Variants in FAM193A observed in about 807,000 individuals in gnomAD.
The protein encoded by FAM193A is protein FAM193A.
FAM193A carries 22 observed loss-of-function variants against 126.5 expected under a neutral mutation model. The observed-to-expected ratio is 0.17, with a 90% CI of 0.12 to 0.25. The LOEUF is 0.25. Among genes scored for constraint, FAM193A ranks in the 10% least tolerant of loss-of-function variants. The pLI is 1.00. For missense variants in FAM193A, 1,675 were observed against 1,672.8 expected, an observed-to-expected ratio of 1.00 and a Z score of -0.02; for synonymous variants, 761 against 646.8, an observed-to-expected ratio of 1.18 and a Z score of -2.68.
chr4:2,569,258 C>T (rs1239109217), intron 1 of FAM193A, among the ~76,000 whole-genome samples: 4 of 152,108 alleles, frequency 2.6e-5, no homozygotes, highest in East Asian at 1.9e-4. Context: ...TGAGCCACTG[C>T]GCCCGGTCCA....
intron 2 of FAM193A, among the ~76,000 whole-genome samples, chr4:2,611,037 G>C (rs538240986): frequency 6.6e-6 from 1 of 151,306 alleles, no homozygotes; most frequent in South Asian, 2.1e-4. Flanking sequence ...GTGCCCGGCC[G>C]AGTATCAGTC....
At chr4:2,569,782 A>G (rs924440016) in intron 1 of FAM193A, among the ~76,000 whole-genome samples, 2 of 152,156 alleles carry the variant, frequency 1.3e-5, no homozygotes, top group Admixed American at 6.5e-5. Flanking sequence ...TAGAATTATG[A>G]TTGTAATCCA....
chr4:2,547,810 A>G (rs779637280), intron 1 of FAM193A, among the ~76,000 whole-genome samples: 4 of 151,576 alleles, frequency 2.6e-5, no homozygotes, highest in Non-Finnish European at 5.9e-5. Context: ...GTTTCAGTAG[A>G]GATGGGATTT....
In FAM193A at chr4:2,593,850, G is replaced by C. The variant is rs116155856; in HGVS notation, c.256-2234G>C. On this transcript the variant is annotated intron_variant, in intron 1 of 20. Transcript: ENST00000637812. ...TGAGGAAAAGAGATGGCTTTATATT[G>C]GGGTAAATCAGTGTGCCTTTTTTTT... is the stretch of plus-strand genomic sequence containing the variant. Among the ~76,000 whole-genome samples, 660 of 151,956 alleles carry C rather than the reference G, an allele frequency of 4.3e-3. 1 individual carries two copies. Among genetic ancestry groups the C allele is most frequent in the African/African-American group, 0.015 (635 of 41,458 alleles).
intron 7 of FAM193A, among the ~76,000 whole-genome samples, chr4:2,649,034 TGTG>T (rs1388643126): frequency 3.3e-5 from 5 of 152,232 alleles, no homozygotes; most frequent in African/African-American, 9.6e-5. Flanking sequence ...GTTTTAGTGT[TGTG>T]TGAGCTTTTA....
At chr4:2,590,640 C>T (rs1209741994) in intron 1 of FAM193A, among the ~76,000 whole-genome samples, 5 of 151,892 alleles carry the variant, frequency 3.3e-5, no homozygotes, top group African/African-American at 9.7e-5. Context: ...TTGCTGGGTG[C>T]ATTATGGACA....
intron 20 of FAM193A, among the ~76,000 whole-genome samples, chr4:2,723,551 G>A (rs1293801318): frequency 6.7e-6 from 1 of 149,770 alleles, no homozygotes; most frequent in African/African-American, 2.5e-5. Flanking sequence ...TCCAGCCTGG[G>A]CAACAGAGCA....
chr4:2,648,427 G>C (rs1225015410), intron 7 of FAM193A, among the ~76,000 whole-genome samples: 1 of 152,242 alleles, frequency 6.6e-6, no homozygotes, highest in African/African-American at 2.4e-5. Flanking sequence ...GGGCCTGAGA[G>C]AGCAGTTGCT....
rs964395685 is a variant in FAM193A at position 2,712,089 on chromosome 4, A to G, written c.4373-3934A>G. On this transcript the variant is annotated intron_variant, in intron 19 of 20. Transcript: ENST00000637812. ...ATATTGCTTTTGTTTTGCAAAACCT[A>G]TTGATACTTTCTGAGGCCCAGTGTA... Among the ~76,000 whole-genome samples, 7 of 152,238 alleles carry G rather than the reference A, an allele frequency of 4.6e-5. No individual in the cohort carries two copies. The East Asian group carries it at 5.8e-4, about 13-fold the overall frequency.
intron 2 of FAM193A, among the ~76,000 whole-genome samples, chr4:2,602,100 A>C (rs927464282): frequency 9.2e-5 from 14 of 152,048 alleles, no homozygotes; most frequent in African/African-American, 3.1e-4. Flanking sequence ...CGGCCTCCCA[A>C]AGTACTGGGT....
intron 1 of FAM193A, among the ~76,000 whole-genome samples, chr4:2,591,618 C>G (rs1178289042): frequency 6.6e-6 from 1 of 152,114 alleles, no homozygotes; most frequent in African/African-American, 2.4e-5. Flanking sequence ...TGTTTTTACC[C>G]TAAGATGACC....
intron 1 of FAM193A, among the ~76,000 whole-genome samples, chr4:2,566,279 C>T (rs1738944034): frequency 6.6e-6 from 1 of 152,192 alleles, no homozygotes; most frequent in Admixed American, 6.5e-5. Context: ...GATCTTCTGA[C>T]CTCGTGATCT....
Position 2,606,738 on chromosome 4 carries a change from T to A in FAM193A, c.501+10409T>A, listed in dbSNP as rs1007323395. ...TATTAATACTTTTCATCATTATTTTTAAAAAATCATATTTGTTACAAAAAA... is the reference window on the plus strand; with the variant it reads ...TATTAATACTTTTCATCATTATTTTAAAAAAATCATATTTGTTACAAAAAA... On this transcript the variant is annotated intron_variant, in intron 2 of 20. Coordinates refer to ENST00000637812, the MANE Select transcript of FAM193A (RefSeq NM_001366318.2). Among the ~76,000 whole-genome samples the A allele has an allele frequency of 6.6e-5, 10 of 152,226 alleles. No individual in the cohort carries two copies. In the East Asian group the frequency reaches 9.6e-4, roughly 15 times the overall value.
chr4:2,685,854 T>C (rs982308572), intron 13 of FAM193A, among the ~76,000 whole-genome samples: 4 of 152,214 alleles, frequency 2.6e-5, no homozygotes, highest in Non-Finnish European at 5.9e-5. Flanking sequence ...TTTGCATATT[T>C]GTGTCAGAGC....
At chr4:2,542,004 C>G (rs1156555012) in intron 1 of FAM193A, among the ~76,000 whole-genome samples, 1 of 151,672 alleles carries the variant, frequency 6.6e-6, no homozygotes, top group Non-Finnish European at 1.5e-5. Flanking sequence ...GAGTGCACCA[C>G]CACACCTGGC....
chr4:2,677,468 C>T (rs146043281), intron 13 of FAM193A, among the ~76,000 whole-genome samples: 143 of 151,906 alleles, frequency 9.4e-4, no homozygotes, highest in African/African-American at 3.3e-3. Context: ...TGGCCGGGCA[C>T]GGTGGCTTAC....
chr4:2,711,018 A>AT (rs1167200015), intron 19 of FAM193A, among the ~76,000 whole-genome samples: 3 of 149,162 alleles, frequency 2.0e-5, no homozygotes, highest in South Asian at 2.1e-4. Flanking sequence ...CGCCCGGCTA[A>AT]TTTTTTGTAT....
intron 1 of FAM193A, among the ~76,000 whole-genome samples, chr4:2,581,931 G>A (rs1253092564): frequency 6.6e-6 from 1 of 152,206 alleles, no homozygotes; most frequent in Non-Finnish European, 1.5e-5. Context: ...GGGATTACAG[G>A]CGTGAGCCAC....
chr4:2,626,037 A>G (rs1742931811), intron 3 of FAM193A, among the ~76,000 whole-genome samples: 1 of 152,138 alleles, frequency 6.6e-6, no homozygotes, highest in Non-Finnish European at 1.5e-5. Flanking sequence ...GAGCACATCT[A>G]AAAATGCTCT....
Sources: gnomAD v4.1 joint callset for allele counts (sites outside exome capture counted in the v4.1 genomes callset) on GRCh38, gnomAD v4.1.1 for gene constraint, MANE v1.5 for transcripts, NCBI Gene and HGNC (gene_info 2026-07-23, HGNC 2026-07-21) for gene names.